The following CHSY3 variants were observed in gnomAD, a reference collection of about 807,000 sequenced individuals.
The protein encoded by CHSY3 is N-acetylgalactosaminyl-proteoglycan 3-beta-glucuronosyltransferase 3.
CHSY3 carries 35 observed loss-of-function variants against 67.2 expected under a neutral mutation model. That is an observed-to-expected ratio of 0.52 (90% CI 0.40 to 0.69). CHSY3 has a LOEUF of 0.69. Ranked by LOEUF, CHSY3 falls within the 30% of genes least tolerant of loss-of-function variation. The pLI, the probability that CHSY3 is intolerant of heterozygous loss-of-function variation, is 0.00. For synonymous variants in CHSY3, 474 were observed against 434.7 expected, an observed-to-expected ratio of 1.09 and a Z score of -1.12; for missense variants, 1,069 against 1,138.5, an observed-to-expected ratio of 0.94 and a Z score of 0.88.
chr5:130,167,275 G>A lies in CHSY3; in HGVS notation c.1087-16954G>A, dbSNP rs1012532502. ...GTTGGCTGGTATGATCAGGCCTTCC[G>A]TGTTTGCTAATTGGTGTTTATCAAA... On this transcript the variant is annotated intron_variant, in intron 2 of 2. Transcript: ENST00000305031. 2.6e-5 allele frequency among the ~76,000 whole-genome samples: 4 copies of A among 152,022 alleles called. 1 individual carries two copies. Among genetic ancestry groups the A allele is most frequent in the Admixed American group, 6.6e-5 (1 of 15,230 alleles).
chr5:129,940,933 T>C (rs1446655959), intron 2 of CHSY3, among the ~76,000 whole-genome samples: 1 of 152,122 alleles, frequency 6.6e-6, no homozygotes, highest in Non-Finnish European at 1.5e-5. Flanking sequence ...TAAGCTATGA[T>C]GTTCAGTAGG....
intron 2 of CHSY3, among the ~76,000 whole-genome samples, chr5:130,139,591 T>C (rs1476258650): frequency 6.6e-6 from 1 of 152,190 alleles, no homozygotes; most frequent in African/African-American, 2.4e-5. Context: ...AATGAGAACA[T>C]GTGGCTGCCC....
At chr5:130,051,100 T>C (rs1765336918) in intron 2 of CHSY3, among the ~76,000 whole-genome samples, 1 of 152,110 alleles carries the variant, frequency 6.6e-6, no homozygotes, top group Admixed American at 6.6e-5. Flanking sequence ...AGTAAATCTT[T>C]AGTAAGACAT....
At chr5:130,051,170 G>A (rs1490811603) in intron 2 of CHSY3, among the ~76,000 whole-genome samples, 1 of 152,094 alleles carries the variant, frequency 6.6e-6, no homozygotes, top group Non-Finnish European at 1.5e-5. Context: ...AGTGGATGGA[G>A]ATGAGGATGT....
In CHSY3 at chr5:129,918,882, T is replaced by C. The variant is rs925091907; in HGVS notation, c.1086+10522T>C. On this transcript the variant is annotated intron_variant, in intron 2 of 2. Transcript: ENST00000305031. ...CAGCACTTTGGGAGGCCGAGGCGGG[T>C]GGATCATGAGGTCAGGAGATCGAGA... Among the ~76,000 whole-genome samples the C allele has an allele frequency of 4.7e-5, 6 of 127,956 alleles. No homozygotes were observed. The South Asian group carries it at 1.3e-3, about 27-fold the overall frequency. The allele number at this position is 127,956 out of a possible 152,430, so 83.9% of individuals were successfully genotyped here.
chr5:130,166,501 A>T (rs1021721645), intron 2 of CHSY3, among the ~76,000 whole-genome samples: 1 of 152,158 alleles, frequency 6.6e-6, no homozygotes, highest in Non-Finnish European at 1.5e-5. Context: ...GATCAAAGTG[A>T]CTCAAGTCCT....
chr5:130,148,145 G>T (rs981854432), intron 2 of CHSY3, among the ~76,000 whole-genome samples: 2 of 152,122 alleles, frequency 1.3e-5, no homozygotes, highest in African/African-American at 4.8e-5. Flanking sequence ...GTGAGAACAT[G>T]TGTTATTTGG....
intron 2 of CHSY3, among the ~76,000 whole-genome samples, chr5:129,909,464 G>T (rs1376193560): frequency 2.0e-5 from 3 of 151,626 alleles, no homozygotes; most frequent in Non-Finnish European, 4.4e-5. Context: ...AGTTAATTTT[G>T]CTTTCTCTTT....
chr5:130,117,154 A>G (rs1767836292), intron 2 of CHSY3, among the ~76,000 whole-genome samples: 2 of 152,144 alleles, frequency 1.3e-5, no homozygotes, highest in African/African-American at 4.8e-5. Context: ...CTGTATTTGG[A>G]CCAGCAGGGT....
intron 2 of CHSY3, among the ~76,000 whole-genome samples, chr5:130,153,310 A>G (rs1239914199): frequency 6.6e-6 from 1 of 151,978 alleles, no homozygotes; most frequent in Non-Finnish European, 1.5e-5. Context: ...GAAAAAAAAA[A>G]CATACGACAT....
intron 2 of CHSY3, among the ~76,000 whole-genome samples, chr5:130,159,161 C>CTTTTTTTTT (rs33919002): frequency 2.7e-4 from 27 of 98,686 alleles, no homozygotes; most frequent in East Asian, 5.9e-4. Context: ...TAAGATTTGT[C>CTTTTTTTTT]TTTTTTTTTT....
intron 2 of CHSY3, among the ~76,000 whole-genome samples, chr5:129,981,862 A>T (rs903613312): frequency 2.0e-5 from 3 of 152,172 alleles, no homozygotes; most frequent in Non-Finnish European, 4.4e-5. Flanking sequence ...TATCAAGTAC[A>T]GTAAGTCCCC....
rs1031845593 is a variant in CHSY3 at position 130,091,490 on chromosome 5, T to G, written c.1087-92739T>G. Among the ~76,000 whole-genome samples the G allele has an allele frequency of 4.6e-5, 7 of 152,304 alleles. No individual in the cohort carries two copies. In the South Asian group the frequency reaches 6.2e-4, roughly 14 times the overall value. ...ATCTGCAAAACAGCTATGGATAGCT[T>G]AAATGTTGGATGGCAGGACTATGCC... On this transcript the variant is annotated intron_variant, in intron 2 of 2. Coordinates refer to ENST00000305031, the MANE Select transcript of CHSY3 (RefSeq NM_175856.5).
At chr5:129,918,808 T>A (rs1410261778) in intron 2 of CHSY3, among the ~76,000 whole-genome samples, 135 of 145,334 alleles carry the variant, frequency 9.3e-4, no homozygotes, top group African/African-American at 1.6e-3. Flanking sequence ...GATTCTCTTT[T>A]AAAAAAAAAA....
In CHSY3 at chr5:129,905,616, G is replaced by T; in HGVS notation, c.787G>T (p.Asp263Tyr). ...TGAGTGGTTCATGCGCGCCGACGAC[G>T]ATGTCTACATCAAAGGTGACCTCCC... ...KYEWFMRADD[D>Y]VYIKGDKLEE... Residue 263 changes from aspartate to tyrosine, a missense_variant, in exon 1 of 3, where the codon GAT becomes TAT. Around this residue, in one of 5 missense-constraint regions of CHSY3, gnomAD observed 216 missense variants for 311.5 expected, o/e 0.69. Coordinates refer to ENST00000305031, the MANE Select transcript of CHSY3 (RefSeq NM_175856.5). 6.2e-7 allele frequency: 1 copy of T among 1,613,510 alleles called. No homozygotes were observed. The highest frequency in any genetic ancestry group is 8.5e-7 in the Non-Finnish European group (1 of 1,179,914).
chr5:129,973,519 T>C (rs1407735062), intron 2 of CHSY3, among the ~76,000 whole-genome samples: 2 of 152,162 alleles, frequency 1.3e-5, no homozygotes, highest in Non-Finnish European at 2.9e-5. Flanking sequence ...TAAGTGCAAT[T>C]CAGTTTCTTC....
At chr5:129,908,880 G>A (rs766016477) in intron 2 of CHSY3, among the ~76,000 whole-genome samples, 3 of 152,030 alleles carry the variant, frequency 2.0e-5, no homozygotes, top group Non-Finnish European at 4.4e-5. Flanking sequence ...AACTAATAGT[G>A]TATCATTTAT....
At chr5:130,020,860 G>T (rs535734414) in intron 2 of CHSY3, among the ~76,000 whole-genome samples, 5 of 152,148 alleles carry the variant, frequency 3.3e-5, no homozygotes, top group South Asian at 4.2e-4. Flanking sequence ...TTGTCCTTGT[G>T]CATGTCTTGA....
intron 2 of CHSY3, among the ~76,000 whole-genome samples, chr5:130,038,729 C>T (rs1764926842): frequency 6.6e-6 from 1 of 152,080 alleles, no homozygotes; most frequent in African/African-American, 2.4e-5. Flanking sequence ...AGACAATTAA[C>T]TTCCTCCATG....
Sources: gnomAD v4.1 joint callset for allele counts (sites outside exome capture counted in the v4.1 genomes callset) on GRCh38, gnomAD v4.1.1 for gene constraint, gnomAD v4.1.1 regional missense constraint, MANE v1.5 for transcripts, NCBI Gene and HGNC (gene_info 2026-07-23, HGNC 2026-07-21) for gene names.